The following CADPS2 variants were observed in gnomAD, a reference collection of about 807,000 sequenced individuals.
The protein encoded by CADPS2 is calcium-dependent secretion activator 2.
A neutral mutation model predicts 172.5 loss-of-function variants in CADPS2; 93 were observed. The observed-to-expected ratio is 0.54, with a 90% confidence interval of 0.46 to 0.64. The LOEUF is 0.64. CADPS2 is among the 30% of genes least tolerant of loss of function. The pLI is 0.00. For synonymous variants in CADPS2, 546 were observed against 555.2 expected (o/e 0.98, Z 0.23); for missense variants, 1,420 against 1,565.9 (o/e 0.91, Z 1.57).
chr7:122,508,385 A>G (rs907786749), intron 9 of CADPS2, among the ~76,000 whole-genome samples: 1 of 151,462 alleles, frequency 6.6e-6, no homozygotes, highest in African/African-American at 2.4e-5. Flanking sequence ...ATGTTCAAAG[A>G]AGGAGGATTG....
chr7:122,774,627 A>G (rs1353226941), intron 1 of CADPS2, among the ~76,000 whole-genome samples: 1 of 152,146 alleles, frequency 6.6e-6, no homozygotes, highest in Non-Finnish European at 1.5e-5. Context: ...CTGCAGTCTA[A>G]TTTCACATCT....
At position 122,849,243 on chromosome 7, in the gene CADPS2, C is replaced by T. The variant is rs572852209; in HGVS notation, c.339+36756G>A. Among the ~76,000 whole-genome samples the T allele has an allele frequency of 3.2e-4, 48 of 152,250 alleles. No individual in the cohort carries two copies. The East Asian group carries it at 5.4e-3, about 17-fold the overall frequency. Reference sequence around the variant, plus strand: ...AATTTTAAGCTTTGTTTACAAAGAACGTTGGAACATTCTGAAGCTCTCCTC... The same window carrying T: ...AATTTTAAGCTTTGTTTACAAAGAATGTTGGAACATTCTGAAGCTCTCCTC... On this transcript the variant is annotated intron_variant, in intron 1 of 29. Transcript: ENST00000449022.
At chr7:122,821,167 T>G (rs142704472) in intron 1 of CADPS2, among the ~76,000 whole-genome samples, 2,494 of 151,614 alleles carry the variant, frequency 0.016, 68 homozygotes, top group African/African-American at 0.057. Flanking sequence ...TGATCCACCT[T>G]ACATTCACCC....
At chr7:122,651,698 G>A (rs1223034603) in intron 3 of CADPS2, among the ~76,000 whole-genome samples, 1 of 152,060 alleles carries the variant, frequency 6.6e-6, no homozygotes, top group Non-Finnish European at 1.5e-5. Context: ...GGGTAAATCT[G>A]GGTGAGTCGC....
At chr7:122,344,674 A>G (rs535918480) in intron 28 of CADPS2, among the ~76,000 whole-genome samples, 2 of 152,326 alleles carry the variant, frequency 1.3e-5, no homozygotes, top group South Asian at 4.1e-4. Flanking sequence ...ATATTGACTT[A>G]AAACATCTTA....
intron 1 of CADPS2, among the ~76,000 whole-genome samples, chr7:122,807,376 T>G (rs1799010179): frequency 6.6e-6 from 1 of 152,208 alleles, no homozygotes. Context: ...GTTCCAGGCC[T>G]GCCAGCCTCA....
intron 2 of CADPS2, among the ~76,000 whole-genome samples, chr7:122,665,337 G>C (rs985904167): frequency 6.6e-6 from 1 of 152,036 alleles, no homozygotes; most frequent in Non-Finnish European, 1.5e-5. Context: ...TGTTTTTCTT[G>C]TTTCCTATCT....
chr7:122,541,613 A>T (rs1171821212), intron 8 of CADPS2, among the ~76,000 whole-genome samples: 1 of 145,216 alleles, frequency 6.9e-6, no homozygotes, highest in Non-Finnish European at 1.5e-5. Flanking sequence ...ATATATTCAC[A>T]TATATCCATA....
chr7:122,687,359 C>T (rs182876968), intron 2 of CADPS2, among the ~76,000 whole-genome samples: 32 of 152,234 alleles, frequency 2.1e-4, no homozygotes, highest in African/African-American at 7.5e-4. Context: ...TTCTTTAAGC[C>T]CTTAAAGCTG....
intron 11 of CADPS2, among the ~76,000 whole-genome samples, chr7:122,488,303 A>G (rs544270804): frequency 1.3e-5 from 2 of 152,320 alleles, no homozygotes; most frequent in Admixed American, 6.5e-5. Flanking sequence ...TTGATGCCCA[A>G]TGCAGGCACA....
At chr7:122,558,249 T>G (rs2065276996) in intron 7 of CADPS2, among the ~76,000 whole-genome samples, 1 of 152,138 alleles carries the variant, frequency 6.6e-6, no homozygotes, top group Admixed American at 6.6e-5. Context: ...TCAGTTCATG[T>G]TTAGAGATTG....
At chr7:122,779,244 A>G (rs1052073340) in intron 1 of CADPS2, among the ~76,000 whole-genome samples, 1 of 152,188 alleles carries the variant, frequency 6.6e-6, no homozygotes, top group Non-Finnish European at 1.5e-5. Flanking sequence ...ACAGAATCTC[A>G]GTGCACACAA....
At chr7:122,514,564 G>T (rs1250517534) in intron 8 of CADPS2, among the ~76,000 whole-genome samples, 3 of 152,092 alleles carry the variant, frequency 2.0e-5, no homozygotes, top group African/African-American at 7.2e-5. Flanking sequence ...ACTAGTGGGA[G>T]TGTAACATCT....
chr7:122,821,116 T>C (rs1162809868), intron 1 of CADPS2, among the ~76,000 whole-genome samples: 3 of 152,020 alleles, frequency 2.0e-5, no homozygotes, highest in Non-Finnish European at 4.4e-5. Context: ...CCTCCCACAT[T>C]ATTCCTGATA....
At chr7:122,712,250 A>C (rs1193633762) in intron 2 of CADPS2, among the ~76,000 whole-genome samples, 1 of 152,066 alleles carries the variant, frequency 6.6e-6, no homozygotes, top group Non-Finnish European at 1.5e-5. Context: ...TTCCTACAGG[A>C]CCCAGTGCAC....
At chr7:122,740,081 T>C (rs1381574317) in intron 1 of CADPS2, among the ~76,000 whole-genome samples, 2 of 152,112 alleles carry the variant, frequency 1.3e-5, no homozygotes, top group Non-Finnish European at 2.9e-5. Flanking sequence ...CAGAAAACAC[T>C]TGATGCTGGC....
At chr7:122,563,700 G>A (rs1442505036) in intron 7 of CADPS2, among the ~76,000 whole-genome samples, 1 of 152,044 alleles carries the variant, frequency 6.6e-6, no homozygotes, top group Non-Finnish European at 1.5e-5. Context: ...GTGGTCGGAT[G>A]GAAAAGAGGG....
At chr7:122,788,772 T>A (rs1038746809) in intron 1 of CADPS2, among the ~76,000 whole-genome samples, 6 of 152,288 alleles carry the variant, frequency 3.9e-5, no homozygotes, top group African/African-American at 1.2e-4. Context: ...CAAAGCTTTA[T>A]ACAATAAAAC....
chr7:122,869,686 T>C lies in CADPS2; in HGVS notation c.339+16313A>G, dbSNP rs1819247294. ...TGTAATAAAACACAGAACACACTTA[T>C]ACTGTAATGGAGTTGTGAATACCAA... is the stretch of plus-strand genomic sequence containing the variant. On this transcript the variant is annotated intron_variant, in intron 1 of 29. Transcript: ENST00000449022. Among the ~76,000 whole-genome samples, 3 of 152,144 alleles carry C rather than the reference T, an allele frequency of 2.0e-5. No individual in the cohort carries two copies. In the South Asian group the frequency reaches 6.2e-4, roughly 31 times the overall value.
Sources: gnomAD v4.1 joint callset for allele counts (sites outside exome capture counted in the v4.1 genomes callset) on GRCh38, gnomAD v4.1.1 for gene constraint, MANE v1.5 for transcripts, NCBI Gene and HGNC (gene_info 2026-07-23, HGNC 2026-07-21) for gene names.